Variants in NPAT observed in about 807,000 individuals in gnomAD.
NPAT encodes the protein protein NPAT.
Under a neutral mutation model 130.7 loss-of-function variants are expected in NPAT, and 52 were observed. The observed-to-expected ratio is 0.40, with a 90% CI of 0.32 to 0.50. NPAT has a LOEUF of 0.50. NPAT is among the 20% of genes least tolerant of loss of function. The probability of loss-of-function intolerance (pLI) is 0.68; values close to 1 mark genes in which losing one functional copy is unlikely to be tolerated. For missense variants in NPAT, 1,687 were observed against 1,662.6 expected, an observed-to-expected ratio of 1.01 and a Z score of -0.26; for synonymous variants, 580 against 584.8, an observed-to-expected ratio of 0.99 and a Z score of 0.12.
intron 15 of NPAT, among the ~76,000 whole-genome samples, chr11:108,164,924 T>C (rs2077887030): frequency 6.6e-6 from 1 of 152,046 alleles, no homozygotes; most frequent in Non-Finnish European, 1.5e-5. Flanking sequence ...GGCAGAAGAA[T>C]TGCTTGAACC....
chr11:108,158,919 C>G lies in NPAT; in HGVS notation c.*23G>C. ...AAGGGATATGAGTTTTTAACACCTA[C>G]TGTTCTTATGTGTCCAGAATGTTTA... On this transcript the variant is annotated 3_prime_UTR_variant, in exon 18 of 18. Transcript: ENST00000278612. The G allele has an allele frequency of 1.4e-6, 2 of 1,431,606 alleles. No homozygotes were observed. The highest frequency in any genetic ancestry group is 2.3e-5 in the South Asian group (2 of 87,338). 88.7% of individuals were successfully genotyped at this position (1,431,606 alleles called of 1,614,324 possible). A position where few individuals can be genotyped will look rare whatever the true frequency, so the allele number is the denominator to read the frequency against.
At chr11:108,196,004 C>T (rs115805013) in intron 2 of NPAT, among the ~76,000 whole-genome samples, 1,961 of 152,288 alleles carry the variant, frequency 0.013, 52 homozygotes, top group African/African-American at 0.044. Flanking sequence ...TAATTTTTGC[C>T]TTTATAGCCC....
intron 1 of NPAT, among the ~76,000 whole-genome samples, chr11:108,212,087 A>G (rs945030802): frequency 1.3e-5 from 2 of 151,700 alleles, no homozygotes; most frequent in Non-Finnish European, 2.9e-5. Flanking sequence ...AAAAAAAAAA[A>G]GCCAAGTAAC....
At chr11:108,222,264 AGCTTCCCCTCGG>A (rs1170327338) in intron 1 of NPAT, among the ~76,000 whole-genome samples, 8 of 152,146 alleles carry the variant, frequency 5.3e-5, no homozygotes, top group South Asian at 2.1e-4. Context: ...TTCCACCCCG[AGCTTCCCCTCGG>A]GCTTCCCCTC....
intron 1 of NPAT, among the ~76,000 whole-genome samples, chr11:108,203,485 G>C (rs773295184): frequency 1.6e-4 from 24 of 152,074 alleles, no homozygotes; most frequent in Non-Finnish European, 3.2e-4. Flanking sequence ...TCGAGTAAAG[G>C]CCTGGGAAAA....
chr11:108,174,455 C>A (rs1015327045), intron 12 of NPAT, among the ~76,000 whole-genome samples: 1 of 150,220 alleles, frequency 6.7e-6, no homozygotes, highest in African/African-American at 2.5e-5. Context: ...GTCAAGGAAC[C>A]AACTATAGAA....
intron 1 of NPAT, among the ~76,000 whole-genome samples, chr11:108,210,079 G>GA (rs931523489): frequency 7.2e-4 from 101 of 140,528 alleles, no homozygotes; most frequent in Admixed American, 3.7e-3. Flanking sequence ...TAGACCAACC[G>GA]AAAAAAAAAA....
chr11:108,159,981 T>C (rs1591381296), intron 17 of NPAT, among the ~76,000 whole-genome samples: 2 of 151,874 alleles, frequency 1.3e-5, no homozygotes, highest in African/African-American at 4.8e-5. Flanking sequence ...TGAAACCCCA[T>C]CTCTACTAAA....
intron 1 of NPAT, among the ~76,000 whole-genome samples, chr11:108,214,910 C>T (rs981531148): frequency 6.6e-6 from 1 of 152,028 alleles, no homozygotes; most frequent in Admixed American, 6.6e-5. Context: ...TGGGATTACA[C>T]GCGTGAGCCA....
At chr11:108,179,565 T>C (rs2078040672) in intron 10 of NPAT, among the ~76,000 whole-genome samples, 1 of 152,212 alleles carries the variant, frequency 6.6e-6, no homozygotes, top group South Asian at 2.1e-4. Flanking sequence ...AAGCCTTACA[T>C]TTAAATCTTC....
chr11:108,189,580 C>A (rs552495332), intron 5 of NPAT, among the ~76,000 whole-genome samples: 2 of 152,152 alleles, frequency 1.3e-5, no homozygotes, highest in Non-Finnish European at 2.9e-5. Flanking sequence ...AATTAAGAAA[C>A]CTGAACTTGG....
intron 1 of NPAT, among the ~76,000 whole-genome samples, chr11:108,212,688 T>C (rs2078395597): frequency 6.6e-6 from 1 of 151,862 alleles, no homozygotes; most frequent in African/African-American, 2.4e-5. Flanking sequence ...CTCATACCTA[T>C]AATCCCAGCA....
chr11:108,209,506 C>T (rs143821968), intron 1 of NPAT, among the ~76,000 whole-genome samples: 3 of 152,050 alleles, frequency 2.0e-5, no homozygotes, highest in African/African-American at 4.8e-5. Context: ...GAACTATGAT[C>T]GCGCCACTGC....
chr11:108,219,839 AAC>A (rs1024223737), intron 1 of NPAT, among the ~76,000 whole-genome samples: 8 of 152,258 alleles, frequency 5.3e-5, no homozygotes, highest in Non-Finnish European at 8.8e-5. Flanking sequence ...AAAAAAAGTA[AAC>A]ACACATCTAC....
At chr11:108,217,197 TCCC>T (rs2134905667) in intron 1 of NPAT, among the ~76,000 whole-genome samples, 1 of 152,276 alleles carries the variant, frequency 6.6e-6, no homozygotes, top group South Asian at 2.1e-4. Flanking sequence ...GTGTGAGTGC[TCCC>T]TTCAACAGAA....
chr11:108,203,052 G>T (rs2078288992), intron 1 of NPAT, among the ~76,000 whole-genome samples: 1 of 152,118 alleles, frequency 6.6e-6, no homozygotes. Context: ...AAAGACAGAT[G>T]ATATTATCAA....
Position 108,169,966 on chromosome 11 carries a change from C to T in NPAT, c.2863G>A (p.Gly955Arg), listed in dbSNP as rs1368029815. The T allele has an allele frequency of 6.2e-7, 1 of 1,613,830 alleles. No individual in the cohort carries two copies. Among genetic ancestry groups the T allele is most frequent in the Non-Finnish European group, 8.5e-7 (1 of 1,179,816 alleles). The change falls in exon 14 of 18, where the codon GGA (glycine) becomes AGA (arginine). Residue 955 changes from glycine to arginine, a missense_variant. Gly to Arg is a moderately radical substitution (Grantham distance 125). Coordinates refer to ENST00000278612, the MANE Select transcript of NPAT (RefSeq NM_002519.3). Reference protein sequence around the residue: ...MVGMIPVSVVGQNGNNFSTPP... With the variant: ...MVGMIPVSVVRQNGNNFSTPP... ...GTAGAAAAGTTATTTCCATTCTGTC[C>T]AACCACAGATACTGGGATCATCCCT...
intron 1 of NPAT, among the ~76,000 whole-genome samples, chr11:108,220,793 G>C (rs1266627297): frequency 6.6e-6 from 1 of 152,154 alleles, no homozygotes; most frequent in Non-Finnish European, 1.5e-5. Context: ...TCAACTTTCA[G>C]ACTAAAAGGT....
In NPAT at chr11:108,164,455, G is replaced by A. The variant is rs1565306928; in HGVS notation, c.3011-2275C>T. Among the ~76,000 whole-genome samples the A allele has an allele frequency of 2.0e-5, 3 of 152,178 alleles. No homozygotes were observed. In the East Asian group the frequency reaches 5.8e-4, roughly 29 times the overall value. On this transcript the variant is annotated intron_variant, in intron 15 of 17. Transcript: ENST00000278612. ...GGTTATTAAGAAAACTGGCCAAAGTGGCTGATGTGGTGGCTTGTGGGCTCT... is the reference window on the plus strand; with the variant it reads ...GGTTATTAAGAAAACTGGCCAAAGTAGCTGATGTGGTGGCTTGTGGGCTCT...
Sources: gnomAD v4.1 joint callset for allele counts (sites outside exome capture counted in the v4.1 genomes callset) on GRCh38, gnomAD v4.1.1 for gene constraint, MANE v1.5 for transcripts, NCBI Gene and HGNC (gene_info 2026-07-23, HGNC 2026-07-21) for gene names.